The following NPFFR2 variants were observed in gnomAD, a reference collection of about 807,000 sequenced individuals.
NPFFR2 encodes the protein neuropeptide FF receptor 2, also known as G-protein coupled receptor 74.
In NPFFR2, 15 loss-of-function variants were observed where a neutral mutation model predicts 13.1. The ratio of observed to expected loss-of-function variants is 1.15; its 90% confidence interval spans 0.77 to 1.76. NPFFR2 has a LOEUF of 1.76. Ranked by LOEUF, NPFFR2 falls within the 40% of genes most tolerant of loss-of-function variation. The pLI, the probability that NPFFR2 is intolerant of heterozygous loss-of-function variation, is 0.00. For synonymous variants in NPFFR2, 190 were observed against 175.7 expected (o/e 1.08, Z -0.65); for missense variants, 572 against 503.5 (o/e 1.14, Z -1.30).
intron 3 of NPFFR2, among the ~76,000 whole-genome samples, chr4:72,141,087 T>C (rs62320843): frequency 5.9e-5 from 9 of 151,940 alleles, no homozygotes; most frequent in African/African-American, 2.2e-4. Flanking sequence ...TTTGTATTTC[T>C]GTGGGATCAG....
chr4:72,147,968 G>A lies in NPFFR2; in HGVS notation c.*156G>A, dbSNP rs182451166. 3.5e-6 allele frequency: 2 copies of A among 563,630 alleles called. No individual in the cohort carries two copies. The highest frequency in any genetic ancestry group is 2.8e-5 in the South Asian group (1 of 36,060). The allele number at this position is 563,630 out of a possible 1,614,324, so 34.9% of individuals were successfully genotyped here. A position where few individuals can be genotyped will look rare whatever the true frequency, so the allele number is the denominator to read the frequency against. ...AAAAAAATTAAAAATAAACAAAAAT[G>A]GTCATAAGATCATAAACAATCTTAT... is the stretch of plus-strand genomic sequence containing the variant. On this transcript the variant is annotated 3_prime_UTR_variant, in exon 4 of 4. Coordinates refer to ENST00000308744, the MANE Select transcript of NPFFR2 (RefSeq NM_004885.3).
At chr4:72,104,935 A>G (rs954641134) in intron 1 of NPFFR2, among the ~76,000 whole-genome samples, 1 of 150,068 alleles carries the variant, frequency 6.7e-6, no homozygotes, top group Non-Finnish European at 1.5e-5. Context: ...AATTAACTAT[A>G]GAAACATATG....
intron 1 of NPFFR2, among the ~76,000 whole-genome samples, chr4:72,040,335 A>G (rs960787482): frequency 6.6e-6 from 1 of 152,172 alleles, no homozygotes; most frequent in Non-Finnish European, 1.5e-5. Flanking sequence ...AACACATGCC[A>G]TAAATAGTGA....
intron 1 of NPFFR2, among the ~76,000 whole-genome samples, chr4:72,038,210 C>G (rs1719093571): frequency 1.3e-5 from 2 of 152,192 alleles, no homozygotes; most frequent in Admixed American, 1.3e-4. Flanking sequence ...GTCTGGAATG[C>G]TTCTCCACAC....
intron 1 of NPFFR2, among the ~76,000 whole-genome samples, chr4:72,073,288 T>C (rs1720318427): frequency 6.6e-6 from 1 of 152,052 alleles, no homozygotes; most frequent in Admixed American, 6.6e-5. Context: ...ATTGCATGCC[T>C]GTATCAAAAT....
chr4:72,104,345 T>G (rs528092586), intron 1 of NPFFR2, among the ~76,000 whole-genome samples: 1 of 152,200 alleles, frequency 6.6e-6, no homozygotes, highest in South Asian at 2.1e-4. Context: ...TGCCTCATAA[T>G]AAGTAGGAGG....
intron 1 of NPFFR2, among the ~76,000 whole-genome samples, chr4:72,036,595 T>A (rs1054870002): frequency 6.7e-6 from 1 of 148,196 alleles, no homozygotes; most frequent in Non-Finnish European, 1.5e-5. Flanking sequence ...ATATAATGTA[T>A]ATATACATTT....
At chr4:72,128,281 G>A (rs1009985820) in intron 1 of NPFFR2, among the ~76,000 whole-genome samples, 1 of 152,148 alleles carries the variant, frequency 6.6e-6, no homozygotes, top group Non-Finnish European at 1.5e-5. Flanking sequence ...GAGAGTTTTG[G>A]AAGGCAAGGG....
chr4:72,061,538 A>T (rs1719919641), intron 1 of NPFFR2, among the ~76,000 whole-genome samples: 1 of 152,144 alleles, frequency 6.6e-6, no homozygotes, highest in African/African-American at 2.4e-5. Flanking sequence ...CAGTTGTGAC[A>T]GTTTTGAACT....
intron 1 of NPFFR2, among the ~76,000 whole-genome samples, chr4:72,058,852 T>G (rs1482881756): frequency 6.6e-6 from 1 of 152,046 alleles, no homozygotes; most frequent in Admixed American, 6.6e-5. Flanking sequence ...CACCACAGCA[T>G]GTACCTGCTG....
At chr4:72,083,762 C>G (rs976630202) in intron 1 of NPFFR2, among the ~76,000 whole-genome samples, 1 of 152,094 alleles carries the variant, frequency 6.6e-6, no homozygotes, top group Non-Finnish European at 1.5e-5. Context: ...TATCTTCTAT[C>G]TCTCCTCTAA....
rs528518049 is a variant in NPFFR2, at chr4:72,122,707, G to A, written c.-7-5878G>A. Among the ~76,000 whole-genome samples the A allele has an allele frequency of 4.6e-5, 7 of 152,292 alleles. No homozygotes were observed. The South Asian group carries it at 1.4e-3, about 32-fold the overall frequency. ...TAAGTAAGTTCTTTGAAACCAATGA[G>A]AACAAAGACACCATGTACCAGAATC... On this transcript the variant is annotated intron_variant, in intron 1 of 3. Transcript: ENST00000308744.
chr4:72,072,022 T>A (rs1720271863), intron 1 of NPFFR2, among the ~76,000 whole-genome samples: 4 of 152,100 alleles, frequency 2.6e-5, no homozygotes, highest in Admixed American at 2.6e-4. Flanking sequence ...TTTGCCCCTG[T>A]GGTTTATTCT....
intron 1 of NPFFR2, among the ~76,000 whole-genome samples, chr4:72,039,733 A>T (rs1719154308): frequency 6.6e-6 from 1 of 152,202 alleles, no homozygotes. Context: ...GCTACAATAA[A>T]AGTAGTTATT....
intron 1 of NPFFR2, among the ~76,000 whole-genome samples, chr4:72,114,894 G>A (rs1721666837): frequency 6.6e-6 from 1 of 152,098 alleles, no homozygotes; most frequent in South Asian, 2.1e-4. Context: ...CCCTGCTGAT[G>A]ACCTTGTGCC....
intron 1 of NPFFR2, among the ~76,000 whole-genome samples, chr4:72,082,330 G>A (rs896115440): frequency 2.6e-5 from 4 of 152,144 alleles, no homozygotes; most frequent in African/African-American, 9.7e-5. Context: ...AAGAAGCCAA[G>A]GGGCTAGGTA....
chr4:72,141,094 TC>T (rs1367646638), intron 3 of NPFFR2, among the ~76,000 whole-genome samples: 18 of 152,302 alleles, frequency 1.2e-4, no homozygotes, highest in African/African-American at 3.4e-4. Flanking sequence ...TTCTGTGGGA[TC>T]AGTGGTGATA....
At chr4:72,113,714 G>A (rs1426739564) in intron 1 of NPFFR2, among the ~76,000 whole-genome samples, 1 of 151,992 alleles carries the variant, frequency 6.6e-6, no homozygotes, top group Non-Finnish European at 1.5e-5. Flanking sequence ...AAGAATACAG[G>A]CAACCAAGAG....
intron 1 of NPFFR2, among the ~76,000 whole-genome samples, chr4:72,095,588 A>T (rs1247190098): frequency 2.0e-5 from 3 of 152,222 alleles, no homozygotes; most frequent in African/African-American, 7.2e-5. Context: ...AATATTTTTA[A>T]ATTTTAGAAG....
Sources: allele counts gnomAD v4.1 joint callset (sites outside exome capture counted in the v4.1 genomes callset), GRCh38; gene constraint gnomAD v4.1.1; transcripts MANE v1.5; gene names NCBI Gene and HGNC (gene_info 2026-07-23, HGNC 2026-07-21).